Variants in KPNA4 observed in about 807,000 individuals in gnomAD.
The protein encoded by KPNA4 is karyopherin subunit alpha 4.
A neutral mutation model predicts 71.3 loss-of-function variants in KPNA4; 13 were observed. The ratio of observed to expected loss-of-function variants is 0.18; its 90% CI spans 0.12 to 0.29. KPNA4 has a LOEUF of 0.29. Ranked by LOEUF, KPNA4 falls within the 10% of genes least tolerant of loss-of-function variation. KPNA4 has a pLI of 1.00. For missense variants in KPNA4, 334 were observed against 603.2 expected (o/e 0.55, Z 4.67); for synonymous variants, 189 against 195.2 (o/e 0.97, Z 0.26).
chr3:160,502,439 T>C (rs544826700), intron 16 of KPNA4, among the ~76,000 whole-genome samples: 3 of 152,050 alleles, frequency 2.0e-5, no homozygotes, highest in African/African-American at 4.8e-5. Flanking sequence ...AGCACAAACA[T>C]AGCTCATTGC....
At chr3:160,553,763 A>C (rs1341522964) in intron 1 of KPNA4, among the ~76,000 whole-genome samples, 1 of 152,246 alleles carries the variant, frequency 6.6e-6, no homozygotes, top group Non-Finnish European at 1.5e-5. Flanking sequence ...AGGTGTTCCC[A>C]CATTAAAAAT....
intron 1 of KPNA4, among the ~76,000 whole-genome samples, chr3:160,563,350 C>T (rs1722281868): frequency 1.3e-5 from 2 of 152,146 alleles, no homozygotes; most frequent in Admixed American, 6.5e-5. Context: ...TCTAAGAAGA[C>T]AAAAACTGGT....
chr3:160,535,218 T>C (rs1721663499), intron 5 of KPNA4, among the ~76,000 whole-genome samples: 1 of 152,220 alleles, frequency 6.6e-6, no homozygotes, highest in African/African-American at 2.4e-5. Context: ...GTTTTTCTCT[T>C]ACTCTATGGC....
At chr3:160,538,078 T>C (rs1301985541) in intron 1 of KPNA4, among the ~76,000 whole-genome samples, 1 of 151,362 alleles carries the variant, frequency 6.6e-6, no homozygotes, top group Admixed American at 6.6e-5. Flanking sequence ...CTTTCTCAGA[T>C]AGTGTTTTTA....
chr3:160,520,540 C>T (rs573345278), intron 11 of KPNA4, among the ~76,000 whole-genome samples: 9 of 151,830 alleles, frequency 5.9e-5, no homozygotes, highest in Non-Finnish European at 1.0e-4. Context: ...GGATTTCAGG[C>T]GTGAGCCACC....
intron 1 of KPNA4, 76 bp from the exon 2 acceptor site, chr3:160,536,916 T>G: frequency 2.5e-6 from 2 of 787,678 alleles, no homozygotes; most frequent in Non-Finnish European, 2.2e-6. Context: ...CTATTAACAT[T>G]TCAATATACA....
At chr3:160,503,579 C>T (rs897814483) in intron 16 of KPNA4, among the ~76,000 whole-genome samples, 1 of 152,112 alleles carries the variant, frequency 6.6e-6, no homozygotes, top group African/African-American at 2.4e-5. Context: ...CTAAAGGCTC[C>T]TTTTGGAAAT....
chr3:160,554,281 A>G (rs1282325591), intron 1 of KPNA4, among the ~76,000 whole-genome samples: 1 of 152,204 alleles, frequency 6.6e-6, no homozygotes, highest in Non-Finnish European at 1.5e-5. Context: ...TACATTCACA[A>G]AGTTGTGCAT....
chr3:160,556,150 T>C (rs920404178), intron 1 of KPNA4, among the ~76,000 whole-genome samples: 5 of 152,230 alleles, frequency 3.3e-5, no homozygotes, highest in African/African-American at 9.6e-5. Flanking sequence ...TTTCCCTCTT[T>C]TGGCTGTTAT....
chr3:160,523,206 C>A (rs563956452), intron 10 of KPNA4, among the ~76,000 whole-genome samples: 4 of 152,210 alleles, frequency 2.6e-5, no homozygotes, highest in African/African-American at 4.8e-5. Context: ...AGTAGTGGCT[C>A]ACGCCTGTAA....
chr3:160,535,623 A>G, intron 4 of KPNA4, 38 bp downstream of exon 4: 5 of 1,589,212 alleles, frequency 3.1e-6, no homozygotes, highest in African/African-American at 1.4e-5. Flanking sequence ...GTTGAGGACA[A>G]GAAATGCAAA....
At chr3:160,505,653 A>G (rs1301740866) in intron 15 of KPNA4, among the ~76,000 whole-genome samples, 1 of 152,182 alleles carries the variant, frequency 6.6e-6, no homozygotes, top group Non-Finnish European at 1.5e-5. Context: ...GAGGAAAAAT[A>G]ATTTTAAAGT....
Position 160,535,900 on chromosome 3 carries a change from TAAAAAAAAA to T in KPNA4, c.115-12_115-4del, listed in dbSNP as rs71628425. The T allele has an allele frequency of 1.2e-5, 4 of 325,362 alleles. No individual in the cohort carries two copies. The highest frequency in any genetic ancestry group is 8.5e-5 in the African/African-American group (2 of 23,500). The allele number at this position is 325,362 out of a possible 1,614,324, so 20.2% of individuals were successfully genotyped here. A position where few individuals can be genotyped will look rare whatever the true frequency, so the allele number is the denominator to read the frequency against. On this transcript the variant is annotated splice_polypyrimidine_tract_variant and splice_region_variant and intron_variant, in intron 2 of 16. Transcript: ENST00000334256. ...AAGAGATGTTCATCTCTTTTATTCT[TAAAAAAAAA>T]AAAAAAAAAAAAAAAACCAAACAGA...
chr3:160,511,953 A>G (rs1179065875), intron 13 of KPNA4, among the ~76,000 whole-genome samples: 1 of 152,102 alleles, frequency 6.6e-6, no homozygotes, highest in Non-Finnish European at 1.5e-5. Context: ...ATAAAAATTA[A>G]AAACCCTGTT....
At chr3:160,536,906 C>T in intron 1 of KPNA4, 66 bp from the exon 2 acceptor site, 1 of 927,880 alleles carries the variant, frequency 1.1e-6, no homozygotes. Flanking sequence ...GAGAAAACCA[C>T]TATTAACATT....
In KPNA4 at chr3:160,501,011, T is replaced by A. The variant is rs1308966401; in HGVS notation, c.*1093A>T. On this transcript the variant is annotated 3_prime_UTR_variant, in exon 17 of 17. Transcript: ENST00000334256. ...ACCTCATGCAAAGATCTTTATGTTA[T>A]CTCTGAAAATGAAAAGGATGGCCTT... is the stretch of plus-strand genomic sequence containing the variant. 1.3e-5 allele frequency: 2 copies of A among 152,578 alleles called. No individual in the cohort carries two copies. The highest frequency in any genetic ancestry group is 2.9e-5 in the Non-Finnish European group (2 of 68,032). The allele number at this position is 152,578 out of a possible 1,614,324, so 9.5% of individuals were successfully genotyped here.
At chr3:160,561,110 A>C (rs1227666880) in intron 1 of KPNA4, among the ~76,000 whole-genome samples, 2 of 152,046 alleles carry the variant, frequency 1.3e-5, no homozygotes, top group African/African-American at 2.4e-5. Context: ...GGATAATCAC[A>C]AGTTTCTAAT....
At chr3:160,539,297 C>A (rs1721751712) in intron 1 of KPNA4, among the ~76,000 whole-genome samples, 1 of 152,070 alleles carries the variant, frequency 6.6e-6, no homozygotes, top group Admixed American at 6.5e-5. Flanking sequence ...GTTAAAATAA[C>A]AAAATAGGCT....
In KPNA4 at chr3:160,565,362, A is replaced by C. The variant is rs1722327970; in HGVS notation, c.-80T>G. The C allele has an allele frequency of 8.2e-7, 1 of 1,216,648 alleles. No individual in the cohort carries two copies. Among genetic ancestry groups the C allele is most frequent in the East Asian group, 2.6e-5 (1 of 38,592 alleles). The allele number at this position is 1,216,648 out of a possible 1,614,324, so 75.4% of individuals were successfully genotyped here. ...AACGCGCCGCACCGACACTCCCAGGAACCGGGCCGCCGCCTGAGCTGCTGT... is the reference window on the plus strand; with the variant it reads ...AACGCGCCGCACCGACACTCCCAGGCACCGGGCCGCCGCCTGAGCTGCTGT... On this transcript the variant is annotated 5_prime_UTR_variant, in exon 1 of 17. Coordinates refer to ENST00000334256, the MANE Select transcript of KPNA4 (RefSeq NM_002268.5).
Sources: allele counts gnomAD v4.1 joint callset (sites outside exome capture counted in the v4.1 genomes callset), GRCh38; gene constraint gnomAD v4.1.1; transcripts MANE v1.5; gene names NCBI Gene and HGNC (gene_info 2026-07-23, HGNC 2026-07-21).